Variants in NR5A1 observed in about 807,000 individuals in gnomAD.
NR5A1 encodes the protein nuclear receptor subfamily 5 group A member 1, also known as steroidogenic factor 1.
A neutral mutation model predicts 42.7 loss-of-function variants in NR5A1; 6 were observed. The observed-to-expected ratio is 0.14, with a 90% CI of 0.08 to 0.28. The LOEUF (loss-of-function observed/expected upper bound fraction) is 0.28. Among genes scored for constraint, NR5A1 ranks in the 10% least tolerant of loss-of-function variants. NR5A1 has a pLI of 1.00. For synonymous variants in NR5A1, 274 were observed against 277.5 expected (o/e 0.99, Z 0.12); for missense variants, 442 against 626.4 (o/e 0.71, Z 3.14).
chr9:124,506,489 G>T (rs1481272295), intron 1 of NR5A1, among the ~76,000 whole-genome samples: 1 of 152,184 alleles, frequency 6.6e-6, no homozygotes, highest in Admixed American at 6.5e-5. Context: ...GGAGGGAAGG[G>T]GGTTGGTGGA....
In NR5A1 at chr9:124,498,894, C is replaced by G. The variant is rs935538290; in HGVS notation, c.870+1196G>C. ...CCAGTCCCGCGATGCCCCTAGGGCT[C>G]GGAGCACCCACCCCCACCTACCAGC... is the stretch of plus-strand genomic sequence containing the variant. On this transcript the variant is annotated intron_variant, in intron 4 of 6. Coordinates refer to ENST00000373588, the MANE Select transcript of NR5A1 (RefSeq NM_004959.5). This position sits in a 1 kb window ranked among gnomAD's most constrained non-coding sequence, Gnocchi z 4.6. 6.6e-6 allele frequency among the ~76,000 whole-genome samples: 1 copy of G among 152,186 alleles called. No homozygotes were observed. The highest frequency in any genetic ancestry group is 1.5e-5 in the Non-Finnish European group (1 of 68,030).
At chr9:124,483,629 C>A (rs1047671305) in intron 6 of NR5A1, among the ~76,000 whole-genome samples, 1 of 152,210 alleles carries the variant, frequency 6.6e-6, no homozygotes, top group African/African-American at 2.4e-5. Flanking sequence ...ATCCCCCTGG[C>A]ACGATCAAAG....
At chr9:124,485,484 G>C (rs10733670) in intron 6 of NR5A1, among the ~76,000 whole-genome samples, 151,916 of 152,268 alleles carry the variant, frequency 1, 75,783 homozygotes, top group Middle Eastern at 1. Context: ...TAGGGAAACC[G>C]GAGCTGGGCC....
Position 124,500,652 on chromosome 9 carries a change from C to G in NR5A1, c.308G>C (p.Arg103Pro). Residue 103 changes from arginine to proline, a missense_variant, in exon 4 of 7, where the codon CGG becomes CCG. Physicochemically the swap from Arg to Pro is moderately radical, Grantham distance 103. Around this residue, in one of 3 missense-constraint regions of NR5A1, gnomAD observed 71 missense variants for 156.8 expected, o/e 0.45. Coordinates refer to ENST00000373588, the MANE Select transcript of NR5A1 (RefSeq NM_004959.5). This position sits in a 1 kb window ranked among gnomAD's most constrained non-coding sequence, Gnocchi z 6.9. ...TGCCTTCTTCTGCTGTTTCAGGGCC[C>G]GGTCCCGCTTGTACATCGGCCCAAA... ...NKFGPMYKRD[R>P]ALKQQKKAQI... The G allele has an allele frequency of 6.2e-7, 1 of 1,613,346 alleles. No homozygotes were observed. The highest frequency in any genetic ancestry group is 8.5e-7 in the Non-Finnish European group (1 of 1,180,020).
intron 3 of NR5A1, 98 bp downstream of exon 3, chr9:124,502,981 A>C: frequency 3.5e-6 from 5 of 1,416,834 alleles, no homozygotes; most frequent in East Asian, 2.6e-5. Flanking sequence ...GGCCTTCGCG[A>C]AGGCCAATGG....
intron 4 of NR5A1, among the ~76,000 whole-genome samples, chr9:124,493,574 G>C (rs1037330286): frequency 3.3e-5 from 5 of 152,170 alleles, no homozygotes; most frequent in African/African-American, 1.2e-4. Context: ...TTTTAACCTT[G>C]TCCACATTTA....
intron 3 of NR5A1, among the ~76,000 whole-genome samples, chr9:124,502,205 C>T (rs976186218): frequency 5.9e-5 from 9 of 152,196 alleles, no homozygotes; most frequent in African/African-American, 2.2e-4. Flanking sequence ...CGGCAATGAA[C>T]GCCTAGGCAC....
chr9:124,481,486 C>G lies in NR5A1; in HGVS notation c.*1272G>C, dbSNP rs1189385960. ...GAAAGCGGGACGGACAGCAGGCACC[C>G]CGCCGGGGACAGGAGACAGCCGAGG... is the stretch of plus-strand genomic sequence containing the variant. On this transcript the variant is annotated 3_prime_UTR_variant, in exon 7 of 7. Coordinates refer to ENST00000373588, the MANE Select transcript of NR5A1 (RefSeq NM_004959.5). 6.6e-6 allele frequency: 1 copy of G among 152,296 alleles called. No individual in the cohort carries two copies. Among genetic ancestry groups the G allele is most frequent in the African/African-American group, 2.4e-5 (1 of 41,412 alleles). 9.4% of individuals were successfully genotyped at this position (152,296 alleles called of 1,614,324 possible). A position where few individuals can be genotyped will look rare whatever the true frequency, so the allele number is the denominator to read the frequency against.
intron 4 of NR5A1, among the ~76,000 whole-genome samples, chr9:124,497,159 C>T (rs185584921): frequency 1.6e-4 from 24 of 152,266 alleles, no homozygotes; most frequent in Admixed American, 1.1e-3. Context: ...ACCCCACTTC[C>T]GAAACTGCCC....
At position 124,498,071 on chromosome 9, in the gene NR5A1, C is replaced by T. The variant is rs962705632; in HGVS notation, c.870+2019G>A. On this transcript the variant is annotated intron_variant, in intron 4 of 6. Transcript: ENST00000373588. The surrounding 1 kb of genome is among the most constrained non-coding windows in gnomAD (Gnocchi z 4.6). ...CCAGTGTCCAGCCCAAGGGCTGCTCCACTCTCAGAGCCAGAGAGCCCCCTC... is the reference window on the plus strand; with the variant it reads ...CCAGTGTCCAGCCCAAGGGCTGCTCTACTCTCAGAGCCAGAGAGCCCCCTC... 2.6e-5 allele frequency among the ~76,000 whole-genome samples: 4 copies of T among 152,204 alleles called. No homozygotes were observed. The highest frequency in any genetic ancestry group is 9.7e-5 in the African/African-American group (4 of 41,442).
At chr9:124,495,273 C>A (rs1588619644) in intron 4 of NR5A1, among the ~76,000 whole-genome samples, 1 of 152,250 alleles carries the variant, frequency 6.6e-6, no homozygotes, top group African/African-American at 2.4e-5. Flanking sequence ...CTCCGTATCT[C>A]TCCTTGGAAG....
rs1427349584 is a variant in NR5A1, at chr9:124,503,981, G to A, written c.-15-571C>T. ...TGAGACGCCCAGCTAGAGAGAACCCGGCGGGGACGAGACACAGGGAGGGAT... is the reference window on the plus strand; with the variant it reads ...TGAGACGCCCAGCTAGAGAGAACCCAGCGGGGACGAGACACAGGGAGGGAT... On this transcript the variant is annotated intron_variant, in intron 1 of 6. Coordinates refer to ENST00000373588, the MANE Select transcript of NR5A1 (RefSeq NM_004959.5). The surrounding 1 kb of genome is among the most constrained non-coding windows in gnomAD (Gnocchi z 9.6). 6.6e-6 allele frequency among the ~76,000 whole-genome samples: 1 copy of A among 151,324 alleles called. No homozygotes were observed. The highest frequency in any genetic ancestry group is 1.5e-5 in the Non-Finnish European group (1 of 67,936).
rs1370789061 is a variant in NR5A1 at position 124,482,657 on chromosome 9, A to G, written c.*101T>C. The stretch of plus-strand genomic sequence containing the variant: ...ACGGGGCTGGGGCTCCTCGGTGGGC[A>G]TCAGAAAATGAACCATGCGGAGCCA... On this transcript the variant is annotated 3_prime_UTR_variant, in exon 7 of 7. Transcript: ENST00000373588. 1.5e-6 allele frequency: 2 copies of G among 1,329,702 alleles called. No individual in the cohort carries two copies. The highest frequency in any genetic ancestry group is 2.1e-6 in the Non-Finnish European group (2 of 962,886). 82.4% of individuals were successfully genotyped at this position (1,329,702 alleles called of 1,614,324 possible). A position where few individuals can be genotyped will look rare whatever the true frequency, so the allele number is the denominator to read the frequency against.
intron 5 of NR5A1, among the ~76,000 whole-genome samples, chr9:124,492,290 C>T (rs1005776939): frequency 5.9e-5 from 9 of 151,398 alleles, no homozygotes; most frequent in Non-Finnish European, 1.3e-4. Flanking sequence ...GTGAGTCTTC[C>T]TCCGTGGCTG....
rs762499906 is a variant in NR5A1, at chr9:124,488,305, G to A, written c.1138+2776C>T. Among the ~76,000 whole-genome samples, 44 of 152,148 alleles carry A rather than the reference G, an allele frequency of 2.9e-4. No homozygotes were observed. In the Middle Eastern group the frequency reaches 0.01, roughly 35 times the overall value. ...GGGTTCCTCTCCCAACCTGGAACTG[G>A]CCAGCCAAAGGCCTCTGCAGCCCCC... On this transcript the variant is annotated intron_variant, in intron 6 of 6. Coordinates refer to ENST00000373588, the MANE Select transcript of NR5A1 (RefSeq NM_004959.5).
intron 1 of NR5A1, among the ~76,000 whole-genome samples, chr9:124,505,109 C>A (rs916604188): frequency 1.3e-5 from 2 of 152,204 alleles, no homozygotes; most frequent in Admixed American, 1.3e-4. Flanking sequence ...CAGTCCAGCT[C>A]GAGTCTTCGC....
Position 124,500,415 on chromosome 9 carries a change from C to G in NR5A1, c.545G>C (p.Gly182Ala), listed in dbSNP as rs1460050353. The part of the protein sequence containing the change: ...AVPGAHGPLA[G>A]YLYPAFPGRA... ...GCCAGGAAAGGCAGGGTAGAGGTAG[C>G]CAGCCAGTGGCCCGTGGGCACCGGG... Residue 182 changes from glycine (G) to alanine (A), a missense_variant, in exon 4 of 7, where the codon GGC becomes GCC. By Grantham distance (60) the Gly-to-Ala change is moderately conservative. Around this residue, in one of 3 missense-constraint regions of NR5A1, gnomAD observed 208 missense variants for 203.8 expected, o/e 1.02. Transcript: ENST00000373588. The surrounding 1 kb of genome is among the most constrained non-coding windows in gnomAD (Gnocchi z 6.9). 6.4e-7 allele frequency: 1 copy of G among 1,565,830 alleles called. No homozygotes were observed. The highest frequency in any genetic ancestry group is 8.6e-7 in the Non-Finnish European group (1 of 1,156,372).
In NR5A1 at chr9:124,491,174, A is replaced by T; in HGVS notation, c.1045T>A (p.Leu349Met). The T allele has an allele frequency of 1.2e-6, 2 of 1,609,848 alleles. No individual in the cohort carries two copies. The highest frequency in any genetic ancestry group is 1.7e-6 in the Non-Finnish European group (2 of 1,178,984). Reference protein sequence around the residue: ...QAGSLLHSLVLRAQELVLQLL... With the variant: ...QAGSLLHSLVMRAQELVLQLL... ...TGCAGCACCAGCTCCTGCGCCCGCA[A>T]CACCAGGCTGTGCAGCAGCGAGCCC... The change falls in exon 6 of 7, where the codon TTG (leucine) becomes ATG (methionine). Residue 349 changes from leucine to methionine, a missense_variant. Coordinates refer to ENST00000373588, the MANE Select transcript of NR5A1 (RefSeq NM_004959.5).
At chr9:124,499,967 G>T in intron 4 of NR5A1, 123 bp downstream of exon 4, 1 of 1,454,964 alleles carries the variant, frequency 6.9e-7, no homozygotes, top group Non-Finnish European at 9.6e-7. Context: ...GTGGCCTCCG[G>T]GTCCCCAGGT....
Sources: gnomAD v4.1 joint callset for allele counts (sites outside exome capture counted in the v4.1 genomes callset) on GRCh38, gnomAD v4.1.1 for gene constraint, gnomAD v4.1.1 regional missense constraint, Gnocchi (gnomAD v3.1) non-coding constraint, MANE v1.5 for transcripts, NCBI Gene and HGNC (gene_info 2026-07-23, HGNC 2026-07-21) for gene names.